CCSER1: variants seen among roughly 807,000 people sequenced by gnomAD.
CCSER1 encodes the protein serine-rich coiled-coil domain-containing protein 1.
In CCSER1, 41 loss-of-function variants were observed where a neutral mutation model predicts 82.0. The observed-to-expected ratio is 0.50, with a 90% confidence interval of 0.39 to 0.65. CCSER1 has a LOEUF of 0.65. Ranked by LOEUF, CCSER1 falls within the 30% of genes least tolerant of loss-of-function variation. The pLI is 0.00. For missense variants in CCSER1, 1,119 were observed against 1,064.2 expected (o/e 1.05, Z -0.72); for synonymous variants, 414 against 383.9 (o/e 1.08, Z -0.92).
intron 10 of CCSER1, among the ~76,000 whole-genome samples, chr4:91,412,561 G>A (rs988056283): frequency 1.3e-5 from 2 of 151,930 alleles, no homozygotes; most frequent in Non-Finnish European, 2.9e-5. Context: ...ACCCACCCAG[G>A]GACCAGACAA....
At chr4:91,508,563 T>G (rs1021653831) in intron 10 of CCSER1, among the ~76,000 whole-genome samples, 13 of 151,778 alleles carry the variant, frequency 8.6e-5, no homozygotes, top group East Asian at 1.9e-4. Flanking sequence ...CTGTAGTTTT[T>G]TTTTTTTTTT....
chr4:90,491,820 T>C (rs1332845126), intron 5 of CCSER1, among the ~76,000 whole-genome samples: 1 of 152,216 alleles, frequency 6.6e-6, no homozygotes, highest in African/African-American at 2.4e-5. Flanking sequence ...GGATTAAGTT[T>C]ATTGATTTGC....
chr4:90,466,399 C>T (rs1194604662), intron 4 of CCSER1, among the ~76,000 whole-genome samples: 1 of 152,190 alleles, frequency 6.6e-6, no homozygotes, highest in Non-Finnish European at 1.5e-5. Flanking sequence ...GTCACAACAG[C>T]TAGCAAGGTA....
At chr4:90,661,432 A>G (rs1336498623) in intron 6 of CCSER1, among the ~76,000 whole-genome samples, 4 of 152,164 alleles carry the variant, frequency 2.6e-5, no homozygotes, top group Non-Finnish European at 4.4e-5. Context: ...GTATTTATAT[A>G]TATGCTACTA....
intron 5 of CCSER1, among the ~76,000 whole-genome samples, chr4:90,622,905 T>G (rs1722596067): frequency 6.6e-6 from 1 of 152,188 alleles, no homozygotes; most frequent in Non-Finnish European, 1.5e-5. Context: ...TGTCCCTATT[T>G]CTCCACATCC....
At chr4:91,285,338 T>A (rs1743203375) in intron 10 of CCSER1, among the ~76,000 whole-genome samples, 1 of 151,548 alleles carries the variant, frequency 6.6e-6, no homozygotes, top group Non-Finnish European at 1.5e-5. Flanking sequence ...GAAATGCTGT[T>A]ATGGAGATAG....
At chr4:91,454,254 G>T (rs1756022204) in intron 10 of CCSER1, among the ~76,000 whole-genome samples, 1 of 151,994 alleles carries the variant, frequency 6.6e-6, no homozygotes, top group South Asian at 2.1e-4. Flanking sequence ...TGACTGCAGG[G>T]CTGGTCGCCC....
At chr4:90,850,289 G>T (rs1264180361) in intron 8 of CCSER1, among the ~76,000 whole-genome samples, 4 of 152,170 alleles carry the variant, frequency 2.6e-5, no homozygotes, top group African/African-American at 9.7e-5. Context: ...GGCCCAGTGG[G>T]GACTCTATAT....
chr4:91,374,034 G>GT (rs1454999496), intron 10 of CCSER1, among the ~76,000 whole-genome samples: 4 of 152,134 alleles, frequency 2.6e-5, no homozygotes, highest in African/African-American at 7.2e-5. Flanking sequence ...AGGTGAAGAA[G>GT]TCACAGAGAA....
intron 1 of CCSER1, among the ~76,000 whole-genome samples, chr4:90,150,524 T>G (rs1208750794): frequency 1.3e-5 from 2 of 152,128 alleles, no homozygotes; most frequent in Non-Finnish European, 2.9e-5. Flanking sequence ...CTTTTGTTTT[T>G]TAAAAAAGAT....
At chr4:90,694,724 A>G (rs186828961) in intron 6 of CCSER1, among the ~76,000 whole-genome samples, 1 of 151,162 alleles carries the variant, frequency 6.6e-6, no homozygotes, top group Non-Finnish European at 1.5e-5. Flanking sequence ...AAATGTGCCA[A>G]CCTCCCTTTA....
At chr4:91,377,580 A>G (rs181155528) in intron 10 of CCSER1, among the ~76,000 whole-genome samples, 2 of 152,050 alleles carry the variant, frequency 1.3e-5, no homozygotes, top group Non-Finnish European at 1.5e-5. Context: ...TCCTTTGCCC[A>G]CGTTTTGATG....
chr4:91,097,286 A>G (rs1420480233), intron 10 of CCSER1, among the ~76,000 whole-genome samples: 1 of 152,194 alleles, frequency 6.6e-6, no homozygotes, highest in Non-Finnish European at 1.5e-5. Context: ...ATTGAATGTG[A>G]TAAGCTAATA....
chr4:90,916,992 G>A (rs905189095), intron 8 of CCSER1, among the ~76,000 whole-genome samples: 4 of 152,168 alleles, frequency 2.6e-5, no homozygotes, highest in South Asian at 2.1e-4. Flanking sequence ...TTAGAATGGT[G>A]ATCATTAAAA....
At chr4:90,558,925 A>G (rs752194873) in intron 5 of CCSER1, among the ~76,000 whole-genome samples, 7 of 152,174 alleles carry the variant, frequency 4.6e-5, no homozygotes, top group East Asian at 1.9e-4. Flanking sequence ...GAGATGGCCA[A>G]TTGAATTATC....
chr4:90,815,752 G>A lies in CCSER1; in HGVS notation c.2011-10G>A. 1 of 1,546,684 alleles carries A rather than the reference G, an allele frequency of 6.5e-7. No homozygotes were observed. On this transcript the variant is annotated splice_polypyrimidine_tract_variant and intron_variant, in intron 7 of 10. Coordinates refer to ENST00000509176, the MANE Select transcript of CCSER1 (RefSeq NM_001145065.2). ...AAGCCTATTATGCTGTCTCTTTGAT[G>A]TTTTTATAGGATATAATGAAAGATG... is the stretch of plus-strand genomic sequence containing the variant.
chr4:90,450,641 T>G (rs114662383), intron 4 of CCSER1, among the ~76,000 whole-genome samples: 2,797 of 152,314 alleles, frequency 0.018, 78 homozygotes, highest in African/African-American at 0.063. Flanking sequence ...GGTCTTTTAC[T>G]AAAGTGTAAT....
At chr4:91,097,164 T>C (rs1186857539) in intron 10 of CCSER1, among the ~76,000 whole-genome samples, 1 of 152,222 alleles carries the variant, frequency 6.6e-6, no homozygotes, top group South Asian at 2.1e-4. Flanking sequence ...CTGAATATTC[T>C]GTATCACAGG....
intron 7 of CCSER1, among the ~76,000 whole-genome samples, chr4:90,802,056 A>T: frequency 6.7e-6 from 1 of 149,898 alleles, no homozygotes. Flanking sequence ...TGCCTCTACT[A>T]AAAATACAAA....
Sources: gnomAD v4.1 joint callset for allele counts (sites outside exome capture counted in the v4.1 genomes callset) on GRCh38, gnomAD v4.1.1 for gene constraint, MANE v1.5 for transcripts, NCBI Gene and HGNC (gene_info 2026-07-23, HGNC 2026-07-21) for gene names.